Variants in RHOBTB3 observed in about 807,000 individuals in gnomAD.
The protein encoded by RHOBTB3 is Rho related BTB domain containing 3, also known as rho-related BTB domain-containing protein 3.
A neutral mutation model predicts 67.2 loss-of-function variants in RHOBTB3; 47 were observed. The observed-to-expected ratio is 0.70, with a 90% CI of 0.55 to 0.89. The LOEUF (loss-of-function observed/expected upper bound fraction) is 0.89. RHOBTB3 is among the 40% of genes least tolerant of loss of function. The pLI is 0.00. For missense variants in RHOBTB3, 631 were observed against 750.0 expected (o/e 0.84, Z 1.85); for synonymous variants, 273 against 274.2 (o/e 1.00, Z 0.04).
At chr5:95,790,687 A>G (rs1336338968) in intron 11 of RHOBTB3, among the ~76,000 whole-genome samples, 1 of 152,188 alleles carries the variant, frequency 6.6e-6, no homozygotes, top group African/African-American at 2.4e-5. Context: ...CTCATTCTGC[A>G]GTGCCTCTTC....
At chr5:95,773,264 G>A (rs1745771134) in intron 8 of RHOBTB3, among the ~76,000 whole-genome samples, 1 of 152,164 alleles carries the variant, frequency 6.6e-6, no homozygotes, top group Non-Finnish European at 1.5e-5. Flanking sequence ...GGTCAGGAAG[G>A]GCTGGCTGGA....
intron 8 of RHOBTB3, chr5:95,770,278 C>G (rs1745669235): frequency 3.4e-6 from 1 of 297,114 alleles, no homozygotes; most frequent in Non-Finnish European, 6.9e-6. Flanking sequence ...TACAGATGCC[C>G]TTAATGCTAT....
intron 10 of RHOBTB3, among the ~76,000 whole-genome samples, chr5:95,787,537 G>A (rs1746259329): frequency 6.6e-6 from 1 of 151,400 alleles, no homozygotes; most frequent in Non-Finnish European, 1.5e-5. Context: ...ATTACTTGTT[G>A]CTTATTTAAT....
intron 3 of RHOBTB3, among the ~76,000 whole-genome samples, chr5:95,741,345 G>GA (rs1042511013): frequency 1.1e-4 from 16 of 142,618 alleles, no homozygotes; most frequent in South Asian, 2.2e-4. Flanking sequence ...AAAAAGAAAA[G>GA]AAAAAAAAAA....
chr5:95,770,567 C>T (rs780933069), intron 8 of RHOBTB3: 9 of 409,822 alleles, frequency 2.2e-5, no homozygotes, highest in Admixed American at 4.9e-5. Context: ...ATTGGCCCAA[C>T]GAAGGATGTG....
At chr5:95,729,595 T>C (rs1353715059), upstream of RHOBTB3, among the ~76,000 whole-genome samples, 1 of 152,208 alleles carries the variant, frequency 6.6e-6, no homozygotes, top group Non-Finnish European at 1.5e-5. Flanking sequence ...GTACGAACTA[T>C]ATATGCACCT....
At chr5:95,728,465 T>C (rs1327365843), upstream of RHOBTB3, among the ~76,000 whole-genome samples, 1 of 152,222 alleles carries the variant, frequency 6.6e-6, no homozygotes, top group African/African-American at 2.4e-5. Flanking sequence ...ATGTTTACTT[T>C]CTTTATGAAC....
In RHOBTB3 at chr5:95,793,981, A is replaced by G. The variant is rs761416842; in HGVS notation, c.*807A>G. On this transcript the variant is annotated 3_prime_UTR_variant, in exon 12 of 12. Transcript: ENST00000379982. Reference sequence around the variant, plus strand: ...TCTGTTTCGTGGTGGGAAATATCCTATGTTTTCTTGCTCAAACACCTTTCT... The same window carrying G: ...TCTGTTTCGTGGTGGGAAATATCCTGTGTTTTCTTGCTCAAACACCTTTCT... 1.8e-5 allele frequency: 8 copies of G among 456,032 alleles called. No individual in the cohort carries two copies. The highest frequency in any genetic ancestry group is 3.1e-5 in the South Asian group (2 of 64,570). 28.2% of individuals were successfully genotyped at this position (456,032 alleles called of 1,614,324 possible).
At chr5:95,781,213 C>T (rs977029115) in intron 9 of RHOBTB3, 5 of 152,152 alleles carry the variant, frequency 3.3e-5, no homozygotes, top group Non-Finnish European at 2.9e-5. Context: ...CTTTGGCCAC[C>T]AGATGGCTCC....
intron 3 of RHOBTB3, among the ~76,000 whole-genome samples, chr5:95,747,908 T>C (rs1234356896): frequency 6.6e-6 from 1 of 152,206 alleles, no homozygotes; most frequent in African/African-American, 2.4e-5. Context: ...ACTCAAACTT[T>C]GTAAATAGAT....
At chr5:95,741,038 A>G (rs1243796572) in intron 3 of RHOBTB3, among the ~76,000 whole-genome samples, 1 of 152,178 alleles carries the variant, frequency 6.6e-6, no homozygotes, top group Non-Finnish European at 1.5e-5. Context: ...ATTATTTAAG[A>G]TATAATCTGG....
chr5:95,777,162 T>C (rs3777218), intron 8 of RHOBTB3, among the ~76,000 whole-genome samples: 76,399 of 152,038 alleles, frequency 0.5, 19,325 homozygotes, highest in South Asian at 0.55. Flanking sequence ...GATATGAGTC[T>C]GTCACATGAA....
chr5:95,759,445 A>G (rs1252784684), intron 6 of RHOBTB3, among the ~76,000 whole-genome samples: 2 of 152,268 alleles, frequency 1.3e-5, no homozygotes, highest in East Asian at 3.8e-4. Flanking sequence ...TCAAAGCTGT[A>G]TTTGCACAGA....
chr5:95,792,427 AG>A (rs1746432835), intron 11 of RHOBTB3, among the ~76,000 whole-genome samples: 1 of 150,784 alleles, frequency 6.6e-6, no homozygotes, highest in African/African-American at 2.4e-5. Context: ...AGAAAAGAAA[AG>A]AAAACTAAGT....
chr5:95,766,593 A>AT (rs1338455892), intron 7 of RHOBTB3, among the ~76,000 whole-genome samples: 21 of 149,254 alleles, frequency 1.4e-4, no homozygotes, highest in African/African-American at 4.8e-4. Context: ...ATAGACTAAA[A>AT]TTTAAAAAAA....
At chr5:95,783,733 G>T (rs1746136231) in intron 9 of RHOBTB3, 64 bp from the exon 10 acceptor site, 3 of 1,368,274 alleles carry the variant, frequency 2.2e-6, no homozygotes, top group African/African-American at 2.9e-5. Context: ...TTGGTGGGGG[G>T]TGTTTAGATC....
At position 95,745,952 on chromosome 5, in the gene RHOBTB3, T is replaced by C. The variant is rs113853536; in HGVS notation, c.416-2381T>C. On this transcript the variant is annotated intron_variant, in intron 3 of 11. Transcript: ENST00000379982. ...TCAAAAGAGAACCACAAAGTAACTATTAAGAAACAAAAGCCTCTCAAGAAG... is the reference window on the plus strand; with the variant it reads ...TCAAAAGAGAACCACAAAGTAACTACTAAGAAACAAAAGCCTCTCAAGAAG... 2.2e-3 allele frequency among the ~76,000 whole-genome samples: 335 copies of C among 152,102 alleles called. 1 individual carries two copies. Among genetic ancestry groups the C allele is most frequent in the East Asian group, 8.5e-3 (44 of 5,166 alleles).
At chr5:95,769,253 A>T in intron 8 of RHOBTB3, 1 of 391,486 alleles carries the variant, frequency 2.6e-6, no homozygotes, top group South Asian at 2.3e-5. Context: ...GGCTTCAAGG[A>T]TAAATGTAAA....
In RHOBTB3 at chr5:95,780,287, G is replaced by GC. The variant is rs746216443; in HGVS notation, c.1321dup (p.Arg441ProfsTer3). On this transcript the variant is annotated frameshift_variant, in exon 9 of 12. Coordinates refer to ENST00000379982, the MANE Select transcript of RHOBTB3 (RefSeq NM_014899.4). LOFTEE classifies it high-confidence loss of function. ...GCCAGCCCACAGGGCCATCCTGGTG[G>GC]CCCGTTGTGAAGTGATGGCAGCCAT... The GC allele has an allele frequency of 6.2e-7, 1 of 1,613,820 alleles. No homozygotes were observed. The highest frequency in any genetic ancestry group is 2.2e-5 in the East Asian group (1 of 44,884).
Sources: allele counts gnomAD v4.1 joint callset (sites outside exome capture counted in the v4.1 genomes callset), GRCh38; gene constraint gnomAD v4.1.1; transcripts MANE v1.5; gene names NCBI Gene and HGNC (gene_info 2026-07-23, HGNC 2026-07-21).